The following FNBP1 variants were observed in gnomAD, a reference collection of about 807,000 sequenced individuals.
FNBP1 encodes the protein formin binding protein 1.
Under a neutral mutation model 90.6 loss-of-function variants are expected in FNBP1, and 26 were observed. That is an observed-to-expected ratio of 0.29 (90% CI 0.21 to 0.40). The LOEUF (loss-of-function observed/expected upper bound fraction) is 0.40, where lower values mean the gene tolerates loss of function less well. Among genes scored for constraint, FNBP1 ranks in the 10% least tolerant of loss-of-function variants. The pLI, the probability that FNBP1 is intolerant of heterozygous loss-of-function variation, is 1.00. For missense variants in FNBP1, 635 were observed against 768.0 expected (o/e 0.83, Z 2.05); for synonymous variants, 260 against 265.2 (o/e 0.98, Z 0.19).
rs1473299817 is a variant in FNBP1 at position 129,904,274 on chromosome 9, T to C, written c.1296-1273A>G. 2.0e-5 allele frequency among the ~76,000 whole-genome samples: 3 copies of C among 152,198 alleles called. No homozygotes were observed. The East Asian group carries it at 5.8e-4, about 29-fold the overall frequency. On this transcript the variant is annotated intron_variant, in intron 12 of 16. Coordinates refer to ENST00000446176, the MANE Select transcript of FNBP1 (RefSeq NM_015033.3). ...GACAGAGCCTTAAAGCTACACACTG[T>C]GGATCCCACATCCTTCCTGAAATCA...
intron 1 of FNBP1, among the ~76,000 whole-genome samples, chr9:130,006,946 T>C (rs1034163987): frequency 4.9e-4 from 74 of 151,708 alleles, no homozygotes; most frequent in African/African-American, 1.5e-3. Flanking sequence ...ATATAAAGAA[T>C]GTGGAGGCCG....
At chr9:129,937,420 G>T (rs1391538736) in intron 6 of FNBP1, among the ~76,000 whole-genome samples, 1 of 152,114 alleles carries the variant, frequency 6.6e-6, no homozygotes, top group Non-Finnish European at 1.5e-5. Context: ...TGAAGTAAAT[G>T]TATATATAAC....
intron 4 of FNBP1, 110 bp from the exon 5 acceptor site, chr9:129,958,663 T>G: frequency 1.2e-6 from 1 of 834,806 alleles, no homozygotes; most frequent in Non-Finnish European, 1.9e-6. Flanking sequence ...ACCTCTAGTA[T>G]GTATGCTCCA....
chr9:129,931,888 A>ACAG (rs1554792053), intron 6 of FNBP1, among the ~76,000 whole-genome samples: 1 of 151,206 alleles, frequency 6.6e-6, no homozygotes, highest in African/African-American at 2.4e-5. Flanking sequence ...AAAAAGACAG[A>ACAG]AAAGAAGAAA....
intron 1 of FNBP1, among the ~76,000 whole-genome samples, chr9:129,999,400 A>G (rs1415152651): frequency 6.6e-6 from 1 of 152,114 alleles, no homozygotes; most frequent in Admixed American, 6.6e-5. Flanking sequence ...GTTCAAGACC[A>G]GCCTGGCCAA....
At chr9:129,918,359 G>A (rs151181827) in intron 10 of FNBP1, among the ~76,000 whole-genome samples, 45 of 152,268 alleles carry the variant, frequency 3.0e-4, no homozygotes, top group African/African-American at 1.0e-3. Flanking sequence ...ATTAGAAAGC[G>A]AAATCATTGG....
chr9:130,033,634 C>G (rs987874297), intron 1 of FNBP1, among the ~76,000 whole-genome samples: 1 of 150,222 alleles, frequency 6.7e-6, no homozygotes, highest in African/African-American at 2.5e-5. Context: ...GTCAAAAGTT[C>G]AAGTCCAGCC....
At chr9:129,996,902 C>T (rs1318770024) in intron 1 of FNBP1, among the ~76,000 whole-genome samples, 2 of 152,056 alleles carry the variant, frequency 1.3e-5, no homozygotes, top group Non-Finnish European at 2.9e-5. Context: ...ACTATGATGC[C>T]CAGGCTGGTC....
chr9:129,906,944 T>A lies in FNBP1; in HGVS notation c.1295+1946A>T, dbSNP rs967872122. On this transcript the variant is annotated intron_variant, in intron 12 of 16. Transcript: ENST00000446176. ...ACAGGCACACACCACCACTCCCAGCTAATTTTTGTATTTTTAGTAGAGATG... is the reference window on the plus strand; with the variant it reads ...ACAGGCACACACCACCACTCCCAGCAAATTTTTGTATTTTTAGTAGAGATG... Among the ~76,000 whole-genome samples, 5 of 152,128 alleles carry A rather than the reference T, an allele frequency of 3.3e-5. No individual in the cohort carries two copies. In the South Asian group the frequency reaches 8.3e-4, roughly 25 times the overall value.
chr9:129,924,753 C>T (rs1769849571), intron 9 of FNBP1, among the ~76,000 whole-genome samples: 1 of 152,046 alleles, frequency 6.6e-6, no homozygotes, highest in African/African-American at 2.4e-5. Context: ...AGTCACGGTA[C>T]GAGGATAATG....
At chr9:129,934,577 A>ATT (rs11406838) in intron 6 of FNBP1, among the ~76,000 whole-genome samples, 1,661 of 148,346 alleles carry the variant, frequency 0.011, 22 homozygotes, top group South Asian at 0.04. Flanking sequence ...CTTCTTGGTA[A>ATT]TTTTTTTTTT....
Position 129,900,150 on chromosome 9 carries a change from G to A in FNBP1, c.1551-49C>T, listed in dbSNP as rs1227555516. On this transcript the variant is annotated intron_variant, in intron 14 of 16. Coordinates refer to ENST00000446176, the MANE Select transcript of FNBP1 (RefSeq NM_015033.3). The surrounding 1 kb of genome is among the most constrained non-coding windows in gnomAD (Gnocchi z 4.1). ...AGCAACTAAAGCGACTGACCCCAGG[G>A]AGGACTCAGATTGAGTCCCTGCGAC... 6.5e-6 allele frequency: 10 copies of A among 1,531,442 alleles called. No homozygotes were observed. Among genetic ancestry groups the A allele is most frequent in the Non-Finnish European group, 8.8e-6 (10 of 1,138,838 alleles). 94.9% of individuals were successfully genotyped at this position (1,531,442 alleles called of 1,614,324 possible).
intron 7 of FNBP1, among the ~76,000 whole-genome samples, chr9:129,928,720 T>G (rs2042286932): frequency 6.6e-6 from 1 of 151,994 alleles, no homozygotes. Context: ...TGGCTGCAGG[T>G]GCAAACTATA....
intron 1 of FNBP1, among the ~76,000 whole-genome samples, chr9:130,028,452 G>A (rs1024462021): frequency 1.3e-5 from 2 of 152,040 alleles, no homozygotes; most frequent in Non-Finnish European, 2.9e-5. Context: ...AGAATGATGT[G>A]TGATATTAAC....
At chr9:129,941,088 C>T (rs1466621583) in intron 6 of FNBP1, among the ~76,000 whole-genome samples, 2 of 152,112 alleles carry the variant, frequency 1.3e-5, no homozygotes, top group East Asian at 1.9e-4. Flanking sequence ...CAAAGAAATG[C>T]TATTAAATAG....
intron 4 of FNBP1, among the ~76,000 whole-genome samples, chr9:129,961,539 G>A (rs1290641428): frequency 6.6e-6 from 1 of 151,914 alleles, no homozygotes; most frequent in African/African-American, 2.4e-5. Flanking sequence ...TTTGTTCAGT[G>A]ACCTAAAATC....
At chr9:130,032,792 G>GA (rs1256019041) in intron 1 of FNBP1, among the ~76,000 whole-genome samples, 1 of 151,614 alleles carries the variant, frequency 6.6e-6, no homozygotes, top group Non-Finnish European at 1.5e-5. Flanking sequence ...ATTCCCCCTA[G>GA]AAAAAACTTA....
chr9:129,887,379 G>A lies in FNBP1; in HGVS notation c.*3160C>T, dbSNP rs759802977. On this transcript the variant is annotated 3_prime_UTR_variant, in exon 17 of 17. Transcript: ENST00000446176. The stretch of plus-strand genomic sequence containing the variant: ...TTTAGAATTAGTGCAACACACATAC[G>A]AACATTTTAAAGGTGCTCAACATCA... 6 of 201,586 alleles carry A rather than the reference G, an allele frequency of 3.0e-5. No homozygotes were observed. The highest frequency in any genetic ancestry group is 6.1e-5 in the Non-Finnish European group (6 of 97,772). 12.5% of individuals were successfully genotyped at this position (201,586 alleles called of 1,614,324 possible).
intron 1 of FNBP1, among the ~76,000 whole-genome samples, chr9:130,028,788 G>A (rs913124941): frequency 3.9e-5 from 6 of 152,202 alleles, no homozygotes; most frequent in Admixed American, 3.3e-4. Flanking sequence ...ATGCAACTCT[G>A]CCAAGAGCTT....
Sources: gnomAD v4.1 joint callset for allele counts (sites outside exome capture counted in the v4.1 genomes callset) on GRCh38, gnomAD v4.1.1 for gene constraint, Gnocchi (gnomAD v3.1) non-coding constraint, MANE v1.5 for transcripts, NCBI Gene and HGNC (gene_info 2026-07-23, HGNC 2026-07-21) for gene names.